BTBD9: variants seen among roughly 807,000 people sequenced by gnomAD.
BTBD9 encodes BTB/POZ domain-containing protein 9.
A neutral mutation model predicts 64.3 loss-of-function variants in BTBD9; 49 were observed. The ratio of observed to expected loss-of-function variants is 0.76; its 90% CI spans 0.61 to 0.97. BTBD9 has a LOEUF of 0.97. Ranked by LOEUF, BTBD9 falls within the 50% of genes least tolerant of loss-of-function variation. The pLI is 0.00. For synonymous variants in BTBD9, 260 were observed against 274.7 expected (o/e 0.95, Z 0.53); for missense variants, 598 against 762.1 (o/e 0.78, Z 2.53).
At chr6:38,482,546 T>C (rs929306649) in intron 6 of BTBD9, 6 of 152,216 alleles carry the variant, frequency 3.9e-5, no homozygotes, top group Admixed American at 2.6e-4. Flanking sequence ...CTTGAATTAC[T>C]TTCCTTTCTA....
At chr6:38,542,636 A>G (rs931004526) in intron 6 of BTBD9, among the ~76,000 whole-genome samples, 1 of 152,202 alleles carries the variant, frequency 6.6e-6, no homozygotes, top group Non-Finnish European at 1.5e-5. Context: ...GATGATATTT[A>G]TAAATTTAAG....
At chr6:38,599,169 C>A (rs576283540) in intron 1 of BTBD9, among the ~76,000 whole-genome samples, 4 of 152,074 alleles carry the variant, frequency 2.6e-5, no homozygotes, top group African/African-American at 9.7e-5. Context: ...TGCCTTTCTA[C>A]AAAATTAACT....
chr6:38,374,602 G>A (rs575825780), intron 6 of BTBD9, among the ~76,000 whole-genome samples: 3 of 151,650 alleles, frequency 2.0e-5, no homozygotes, highest in Non-Finnish European at 4.4e-5. Context: ...ACCATTTAAT[G>A]AAGTGTTTTC....
intron 1 of BTBD9, among the ~76,000 whole-genome samples, chr6:38,604,896 G>A (rs945372132): frequency 6.6e-6 from 1 of 152,082 alleles, no homozygotes; most frequent in African/African-American, 2.4e-5. Flanking sequence ...TAGACATGAG[G>A]TCATGCTATG....
chr6:38,231,233 G>A (rs1763594397), intron 9 of BTBD9, among the ~76,000 whole-genome samples: 3 of 152,140 alleles, frequency 2.0e-5, no homozygotes, highest in Admixed American at 6.5e-5. Flanking sequence ...TGCCATCAAA[G>A]AATCAAATTG....
chr6:38,483,912 A>G (rs1771278280), intron 6 of BTBD9, among the ~76,000 whole-genome samples: 1 of 152,086 alleles, frequency 6.6e-6, no homozygotes. Flanking sequence ...CCCCCATTCC[A>G]ATTTTGTCAA....
At chr6:38,195,420 C>T (rs1404671667) in intron 9 of BTBD9, among the ~76,000 whole-genome samples, 1 of 152,178 alleles carries the variant, frequency 6.6e-6, no homozygotes, top group Non-Finnish European at 1.5e-5. Flanking sequence ...GGCATGGCAG[C>T]CCGCCCAGTT....
intron 9 of BTBD9, among the ~76,000 whole-genome samples, chr6:38,205,537 T>C (rs898507060): frequency 4.6e-5 from 7 of 152,188 alleles, no homozygotes; most frequent in African/African-American, 1.4e-4. Flanking sequence ...TTTGTATTTA[T>C]GCGAAGAAAA....
intron 6 of BTBD9, among the ~76,000 whole-genome samples, chr6:38,550,869 A>G (rs943229587): frequency 2.0e-5 from 3 of 151,948 alleles, no homozygotes; most frequent in African/African-American, 7.3e-5. Context: ...ATCTCACTCA[A>G]CCAAGCGCTC....
intron 6 of BTBD9, among the ~76,000 whole-genome samples, chr6:38,502,577 G>A (rs541836539): frequency 3.9e-5 from 6 of 152,300 alleles, no homozygotes; most frequent in African/African-American, 1.4e-4. Context: ...ACATTCTGCT[G>A]ACAGAAATCC....
At chr6:38,256,946 A>G (rs1215027209) in intron 8 of BTBD9, among the ~76,000 whole-genome samples, 1 of 152,010 alleles carries the variant, frequency 6.6e-6, no homozygotes, top group East Asian at 1.9e-4. Flanking sequence ...CAGTGGTGTG[A>G]TCAGTGGAGT....
chr6:38,630,404 T>C (rs866931547), intron 1 of BTBD9, among the ~76,000 whole-genome samples: 6 of 152,224 alleles, frequency 3.9e-5, no homozygotes, highest in South Asian at 4.1e-4. Flanking sequence ...CGATAGTATT[T>C]AATGATTGTA....
chr6:38,288,921 G>A (rs1341778515), intron 7 of BTBD9, among the ~76,000 whole-genome samples: 1 of 151,920 alleles, frequency 6.6e-6, no homozygotes, highest in African/African-American at 2.4e-5. Flanking sequence ...AGCGAGACTC[G>A]TCTCCAAAAA....
chr6:38,340,144 T>C (rs1764042917), intron 7 of BTBD9, among the ~76,000 whole-genome samples: 1 of 152,210 alleles, frequency 6.6e-6, no homozygotes, highest in Non-Finnish European at 1.5e-5. Context: ...TCATGATATA[T>C]TTCATCTGCT....
At chr6:38,259,945 A>T (rs1018425578) in intron 8 of BTBD9, among the ~76,000 whole-genome samples, 6 of 152,156 alleles carry the variant, frequency 3.9e-5, no homozygotes, top group African/African-American at 4.8e-5. Flanking sequence ...GATTACACTA[A>T]TTTTCTTATA....
intron 6 of BTBD9, among the ~76,000 whole-genome samples, chr6:38,473,045 G>A (rs1770719513): frequency 6.6e-6 from 1 of 152,202 alleles, no homozygotes; most frequent in Admixed American, 6.5e-5. Context: ...TAATGGAAGT[G>A]AGGATTGGCT....
At chr6:38,366,616 T>C (rs1461506748) in intron 6 of BTBD9, among the ~76,000 whole-genome samples, 2 of 152,266 alleles carry the variant, frequency 1.3e-5, no homozygotes, top group Non-Finnish European at 2.9e-5. Flanking sequence ...GACACATATT[T>C]AAAACGAAAT....
chr6:38,358,836 A>G (rs1371510388), intron 6 of BTBD9, among the ~76,000 whole-genome samples: 1 of 151,586 alleles, frequency 6.6e-6, no homozygotes, highest in Non-Finnish European at 1.5e-5. Flanking sequence ...CAGTGGCGCA[A>G]TCTCGGCTCA....
chr6:38,280,349 T>C (rs1201866079), intron 8 of BTBD9, among the ~76,000 whole-genome samples: 2 of 152,172 alleles, frequency 1.3e-5, no homozygotes, highest in Non-Finnish European at 2.9e-5. Flanking sequence ...GTGATGCAGA[T>C]AGGCTCAGAG....
Sources: gnomAD v4.1 joint callset for allele counts (sites outside exome capture counted in the v4.1 genomes callset) on GRCh38, gnomAD v4.1.1 for gene constraint, MANE v1.5 for transcripts, NCBI Gene and HGNC (gene_info 2026-07-23, HGNC 2026-07-21) for gene names.